Variants in GTF2IRD1 observed in about 807,000 individuals in gnomAD.
The protein encoded by GTF2IRD1 is general transcription factor II-I repeat domain-containing protein 1.
Under a neutral mutation model 113.2 loss-of-function variants are expected in GTF2IRD1, and 26 were observed. The ratio of observed to expected loss-of-function variants is 0.23; its 90% CI spans 0.17 to 0.32. The LOEUF (loss-of-function observed/expected upper bound fraction) is 0.32. GTF2IRD1 is among the 10% of genes least tolerant of loss of function. GTF2IRD1 has a pLI of 1.00. For synonymous variants in GTF2IRD1, 484 were observed against 529.1 expected, an observed-to-expected ratio of 0.91 and a Z score of 1.17; for missense variants, 864 against 1,280.8, an observed-to-expected ratio of 0.67 and a Z score of 4.97.
chr7:74,466,773 A>G (rs138580503), intron 1 of GTF2IRD1, among the ~76,000 whole-genome samples: 5 of 152,134 alleles, frequency 3.3e-5, no homozygotes, highest in African/African-American at 9.6e-5. Context: ...TCACCTTCAC[A>G]GACAGAGTGT....
chr7:74,558,884 C>G lies in GTF2IRD1; in HGVS notation c.2131C>G (p.Pro711Ala). The change falls in exon 21 of 27, where the codon CCG (proline) becomes GCG (alanine). Residue 711 changes from proline (P) to alanine (A), a missense_variant. Pro to Ala is a conservative substitution (Grantham distance 27). Coordinates refer to ENST00000424337, the MANE Select transcript of GTF2IRD1 (RefSeq NM_005685.4). ...AGGGGAAGCCTTGGGCATCAAGTACCCGGTCCAGGTCCCCTACAAGCGGAT... is the reference window on the plus strand; with the variant it reads ...AGGGGAAGCCTTGGGCATCAAGTACGCGGTCCAGGTCCCCTACAAGCGGAT... The part of the protein sequence containing the change: ...KYGEALGIKY[P>A]VQVPYKRIKS... 6.2e-7 allele frequency: 1 copy of G among 1,613,530 alleles called. No individual in the cohort carries two copies.
intron 1 of GTF2IRD1, among the ~76,000 whole-genome samples, chr7:74,471,363 G>T (rs1794070591): frequency 6.6e-6 from 1 of 152,018 alleles, no homozygotes; most frequent in African/African-American, 2.4e-5. Context: ...AAAAAAATTA[G>T]CCGGGTGTGG....
chr7:74,557,568 A>T, intron 19 of GTF2IRD1, 71 bp from the exon 20 acceptor site: 1 of 1,020,724 alleles, frequency 9.8e-7, no homozygotes, highest in Non-Finnish European at 1.5e-6. Flanking sequence ...TTAGAAAATC[A>T]TCTTCCTTAA....
Position 74,498,742 on chromosome 7 carries a change from T to TA in GTF2IRD1, c.-6-9330dup, listed in dbSNP as rs1486361601. ...GTCCTGTAGTTCTTTTTTTTTTTTTTAAATAAGATGGACTCTCACTCTTTC... is the reference window on the plus strand; with the variant it reads ...GTCCTGTAGTTCTTTTTTTTTTTTTTAAAATAAGATGGACTCTCACTCTTTC... On this transcript the variant is annotated intron_variant, in intron 1 of 26. Coordinates refer to ENST00000424337, the MANE Select transcript of GTF2IRD1 (RefSeq NM_005685.4). Among the ~76,000 whole-genome samples the TA allele has an allele frequency of 2.0e-5, 3 of 151,596 alleles. No homozygotes were observed. In the East Asian group the frequency reaches 5.8e-4, roughly 29 times the overall value.
At chr7:74,527,647 G>C (rs1554347482) in intron 8 of GTF2IRD1, among the ~76,000 whole-genome samples, 1 of 152,162 alleles carries the variant, frequency 6.6e-6, no homozygotes, top group Non-Finnish European at 1.5e-5. Flanking sequence ...TTCAAAACCA[G>C]CCTGGCCAAC....
chr7:74,469,411 C>T (rs1270344563), intron 1 of GTF2IRD1, among the ~76,000 whole-genome samples: 1 of 151,976 alleles, frequency 6.6e-6, no homozygotes, highest in Non-Finnish European at 1.5e-5. Flanking sequence ...AGAATCTCCC[C>T]CCATTAAGCA....
At chr7:74,465,173 T>G (rs527453511) in intron 1 of GTF2IRD1, among the ~76,000 whole-genome samples, 1 of 152,312 alleles carries the variant, frequency 6.6e-6, no homozygotes, top group East Asian at 1.9e-4. Flanking sequence ...GGTGGTTACC[T>G]CTGCTCCCAG....
At chr7:74,559,530 G>T in intron 21 of GTF2IRD1, 97 bp from the exon 22 acceptor site, 1 of 1,029,692 alleles carries the variant, frequency 9.7e-7, no homozygotes, top group Non-Finnish European at 1.5e-6. Context: ...TAGGTCTGGG[G>T]TGCTCCCAGG....
intron 1 of GTF2IRD1, among the ~76,000 whole-genome samples, chr7:74,503,159 T>C (rs1378153639): frequency 7.6e-6 from 1 of 132,354 alleles, no homozygotes; most frequent in Non-Finnish European, 1.6e-5. Context: ...AGAGTGAGAC[T>C]CCATCTCAAA....
At chr7:74,524,202 G>A in intron 8 of GTF2IRD1, 48 bp downstream of exon 8, 1 of 1,315,704 alleles carries the variant, frequency 7.6e-7, no homozygotes, top group South Asian at 1.2e-5. Flanking sequence ...GCCGTGTTGA[G>A]CATCTCATTA....
intron 22 of GTF2IRD1, among the ~76,000 whole-genome samples, chr7:74,569,085 G>A (rs1554361786): frequency 1.3e-5 from 2 of 152,116 alleles, no homozygotes; most frequent in African/African-American, 4.8e-5. Flanking sequence ...AGACTAACTT[G>A]CCCTTTCCCC....
At position 74,485,530 on chromosome 7, in the gene GTF2IRD1, T is replaced by A. The variant is rs555280394; in HGVS notation, c.-6-22545T>A. On this transcript the variant is annotated intron_variant, in intron 1 of 26. Coordinates refer to ENST00000424337, the MANE Select transcript of GTF2IRD1 (RefSeq NM_005685.4). ...TACTCGGGAGGCTGAGGCAGGAGAA[T>A]GGTGTGAACCCAGGAGGCGGAGCTT... 5.3e-5 allele frequency among the ~76,000 whole-genome samples: 8 copies of A among 151,376 alleles called. No individual in the cohort carries two copies. The South Asian group carries it at 1.7e-3, about 32-fold the overall frequency.
chr7:74,519,805 T>A, intron 6 of GTF2IRD1, 86 bp downstream of exon 6: 3 of 942,604 alleles, frequency 3.2e-6, no homozygotes, highest in Non-Finnish European at 4.8e-6. Context: ...CAGGTCAGGA[T>A]GCCTGGGCCC....
chr7:74,481,359 G>A (rs1554334622), intron 1 of GTF2IRD1, among the ~76,000 whole-genome samples: 1 of 151,836 alleles, frequency 6.6e-6, no homozygotes, highest in African/African-American at 2.4e-5. Context: ...GTCTTGCGAT[G>A]TTGCCCAGGC....
intron 1 of GTF2IRD1, among the ~76,000 whole-genome samples, chr7:74,502,536 C>T (rs1796084816): frequency 6.6e-6 from 1 of 152,216 alleles, no homozygotes; most frequent in African/African-American, 2.4e-5. Context: ...TCACTGTCAC[C>T]CTGGCCCCAG....
In GTF2IRD1 at chr7:74,512,822, T is replaced by A; in HGVS notation, c.124-8T>A. ...CCCTTCCGCTCACACAGCCTGCCCT[T>A]CCCACAGTGCTCAGCGCTGTCCAAA... On this transcript the variant is annotated splice_region_variant and splice_polypyrimidine_tract_variant and intron_variant, in intron 2 of 26. Transcript: ENST00000424337. The surrounding 1 kb of genome is among the most constrained non-coding windows in gnomAD (Gnocchi z 4.4). 6.2e-7 allele frequency: 1 copy of A among 1,613,452 alleles called. No individual in the cohort carries two copies. Among genetic ancestry groups the A allele is most frequent in the Non-Finnish European group, 8.5e-7 (1 of 1,179,754 alleles).
At chr7:74,524,267 C>G (rs1246257910) in intron 8 of GTF2IRD1, 113 bp downstream of exon 8, 2 of 630,192 alleles carry the variant, frequency 3.2e-6, no homozygotes, top group East Asian at 2.9e-5. Flanking sequence ...TGCTGGCTCC[C>G]GCGCGCCGGC....
intron 1 of GTF2IRD1, among the ~76,000 whole-genome samples, chr7:74,474,347 G>A (rs1554333112): frequency 6.6e-6 from 1 of 152,250 alleles, no homozygotes; most frequent in East Asian, 1.9e-4. Context: ...CCCCCTGGTG[G>A]GGAAACCCCT....
chr7:74,568,347 AAAAAAAAAG>A (rs1471051049), intron 22 of GTF2IRD1, among the ~76,000 whole-genome samples: 1 of 149,564 alleles, frequency 6.7e-6, no homozygotes, highest in Non-Finnish European at 1.5e-5. Flanking sequence ...TAAAAAAAAA[AAAAAAAAAG>A]AAGGAGAAAG....
Sources: gnomAD v4.1 joint callset for allele counts (sites outside exome capture counted in the v4.1 genomes callset) on GRCh38, gnomAD v4.1.1 for gene constraint, Gnocchi (gnomAD v3.1) non-coding constraint, MANE v1.5 for transcripts, NCBI Gene and HGNC (gene_info 2026-07-23, HGNC 2026-07-21) for gene names.